The following GPC5 variants were observed in gnomAD, a reference collection of about 807,000 sequenced individuals.
GPC5 encodes the protein glypican-5.
GPC5 carries 47 observed loss-of-function variants against 53.9 expected under a neutral mutation model. The observed-to-expected ratio is 0.87, with a 90% CI of 0.69 to 1.11. The LOEUF (loss-of-function observed/expected upper bound fraction) is 1.11. Ranked by LOEUF, GPC5 falls within the 50% of genes most tolerant of loss-of-function variation. The pLI is 0.00. For synonymous variants in GPC5, 286 were observed against 263.3 expected (o/e 1.09, Z -0.84); for missense variants, 748 against 713.1 (o/e 1.05, Z -0.56).
intron 2 of GPC5, among the ~76,000 whole-genome samples, chr13:91,542,337 G>A (rs2029993059): frequency 6.6e-6 from 1 of 152,130 alleles, no homozygotes; most frequent in South Asian, 2.1e-4. Context: ...CCCATTTAAG[G>A]AAGGAATTAA....
At chr13:92,287,167 T>C (rs2042961995) in intron 7 of GPC5, among the ~76,000 whole-genome samples, 1 of 152,228 alleles carries the variant, frequency 6.6e-6, no homozygotes, top group Admixed American at 6.5e-5. Context: ...TTCATATGTT[T>C]TTGACTTTTC....
intron 5 of GPC5, among the ~76,000 whole-genome samples, chr13:91,791,122 A>T (rs2037957450): frequency 6.6e-6 from 1 of 152,198 alleles, no homozygotes; most frequent in African/African-American, 2.4e-5. Context: ...GACCCAGAAT[A>T]AATGTGGTTC....
chr13:92,430,717 G>T (rs7991465), intron 7 of GPC5, among the ~76,000 whole-genome samples: 1 of 151,866 alleles, frequency 6.6e-6, no homozygotes, highest in African/African-American at 2.4e-5. Context: ...CCTGCTGAAC[G>T]TGGCTAGTAA....
chr13:92,246,673 A>G (rs768539985), intron 7 of GPC5, among the ~76,000 whole-genome samples: 11 of 152,158 alleles, frequency 7.2e-5, no homozygotes, highest in Non-Finnish European at 1.6e-4. Flanking sequence ...ACTAAAATAT[A>G]AAGTCCAGAG....
chr13:92,079,271 C>G (rs2041276395), intron 6 of GPC5, among the ~76,000 whole-genome samples: 1 of 151,990 alleles, frequency 6.6e-6, no homozygotes, highest in Admixed American at 6.6e-5. Context: ...AGGCTGGTCT[C>G]GAACTCCTGA....
intron 7 of GPC5, among the ~76,000 whole-genome samples, chr13:92,555,087 T>C (rs1328206352): frequency 6.6e-6 from 1 of 151,452 alleles, no homozygotes; most frequent in African/African-American, 2.4e-5. Flanking sequence ...TGCACAACTG[T>C]ATTAATATAT....
chr13:91,536,544 A>G (rs1369503326), intron 2 of GPC5, among the ~76,000 whole-genome samples: 1 of 152,194 alleles, frequency 6.6e-6, no homozygotes, highest in Non-Finnish European at 1.5e-5. Flanking sequence ...CTGGAGGTTA[A>G]AAGTCCAAAA....
intron 2 of GPC5, among the ~76,000 whole-genome samples, chr13:91,477,492 G>A (rs1167561113): frequency 1.3e-5 from 2 of 152,096 alleles, no homozygotes; most frequent in Non-Finnish European, 2.9e-5. Context: ...AACGCTTCTG[G>A]GGCATTTGCA....
chr13:92,232,820 C>A (rs1000189016), intron 7 of GPC5, among the ~76,000 whole-genome samples: 1 of 152,168 alleles, frequency 6.6e-6, no homozygotes, highest in Non-Finnish European at 1.5e-5. Context: ...CTAATCTAAA[C>A]ATATCATGTT....
At chr13:91,600,774 G>T (rs1040259540) in intron 2 of GPC5, among the ~76,000 whole-genome samples, 2 of 152,020 alleles carry the variant, frequency 1.3e-5, no homozygotes, top group Non-Finnish European at 2.9e-5. Context: ...CATAATTATA[G>T]ACTTCTAAAG....
chr13:91,950,272 T>TTTTG (rs2040014914), intron 6 of GPC5, among the ~76,000 whole-genome samples: 1 of 150,786 alleles, frequency 6.6e-6, no homozygotes, highest in African/African-American at 2.4e-5. Flanking sequence ...CCAAGTTTTT[T>TTTTG]TTTTTTTTTT....
intron 7 of GPC5, among the ~76,000 whole-genome samples, chr13:92,292,304 A>C (rs1243019698): frequency 1.3e-5 from 2 of 152,176 alleles, no homozygotes; most frequent in Non-Finnish European, 2.9e-5. Context: ...TCCCACCAGC[A>C]GTGTAGAAGT....
chr13:92,546,243 A>G (rs1338360653), intron 7 of GPC5, among the ~76,000 whole-genome samples: 1 of 152,192 alleles, frequency 6.6e-6, no homozygotes, highest in Non-Finnish European at 1.5e-5. Flanking sequence ...TTTGCAGATG[A>G]CATGATTGTA....
At chr13:92,452,870 A>T (rs181714883) in intron 7 of GPC5, among the ~76,000 whole-genome samples, 2 of 152,238 alleles carry the variant, frequency 1.3e-5, no homozygotes, top group Non-Finnish European at 2.9e-5. Flanking sequence ...CGCCCGTCAG[A>T]TTACTCTTAT....
At chr13:92,482,509 C>G (rs903963806) in intron 7 of GPC5, among the ~76,000 whole-genome samples, 3 of 152,190 alleles carry the variant, frequency 2.0e-5, no homozygotes, top group African/African-American at 7.2e-5. Context: ...TCTTTTGCAG[C>G]ATTGCTTGTA....
intron 7 of GPC5, among the ~76,000 whole-genome samples, chr13:92,501,562 G>A (rs1880184912): frequency 6.6e-6 from 1 of 152,156 alleles, no homozygotes; most frequent in South Asian, 2.1e-4. Context: ...CCCATATCCA[G>A]TGAAACATAT....
At chr13:92,347,864 T>A (rs7321402) in intron 7 of GPC5, among the ~76,000 whole-genome samples, 160 of 8,460 alleles carry the variant, frequency 0.019, 8 homozygotes, top group African/African-American at 0.11. Flanking sequence ...CATATATATA[T>A]TATATATATA....
At chr13:92,666,221 T>C (rs1283107353) in intron 7 of GPC5, among the ~76,000 whole-genome samples, 1 of 152,198 alleles carries the variant, frequency 6.6e-6, no homozygotes, top group African/African-American at 2.4e-5. Flanking sequence ...ATATTAACAA[T>C]GGATTTTTTT....
intron 6 of GPC5, among the ~76,000 whole-genome samples, chr13:91,932,221 T>A (rs1038099586): frequency 2.6e-5 from 4 of 152,036 alleles, no homozygotes; most frequent in African/African-American, 9.7e-5. Context: ...AAAGAATGTG[T>A]CCCTTTTTGA....
Sources: gnomAD v4.1 joint callset for allele counts (sites outside exome capture counted in the v4.1 genomes callset) on GRCh38, gnomAD v4.1.1 for gene constraint, MANE v1.5 for transcripts, NCBI Gene and HGNC (gene_info 2026-07-23, HGNC 2026-07-21) for gene names.